SAMD12: variants seen among roughly 807,000 people sequenced by gnomAD.
SAMD12 encodes the protein sterile alpha motif domain-containing protein 12.
Under a neutral mutation model 15.0 loss-of-function variants are expected in SAMD12, and 9 were observed. That is an observed-to-expected ratio of 0.60 (90% CI 0.36 to 1.05). The LOEUF is 1.05. SAMD12 is among the 50% of genes least tolerant of loss of function. The pLI is 0.01. For synonymous variants in SAMD12, 86 were observed against 90.1 expected, an observed-to-expected ratio of 0.96 and a Z score of 0.25; for missense variants, 230 against 234.2, an observed-to-expected ratio of 0.98 and a Z score of 0.12.
At position 118,379,191 on chromosome 8, in the gene SAMD12, C is replaced by A; in HGVS notation, c.*226G>T. 7.7e-7 allele frequency: 1 copy of A among 1,304,840 alleles called. No individual in the cohort carries two copies. Among genetic ancestry groups the A allele is most frequent in the Non-Finnish European group, 9.7e-7 (1 of 1,025,984 alleles). 80.8% of individuals were successfully genotyped at this position (1,304,840 alleles called of 1,614,324 possible). ...TTGGCGCAGGTGAAGATAGCTACAG[C>A]TGGACTGTACAGTTGTGCAGGCTGC... is the stretch of plus-strand genomic sequence containing the variant. On this transcript the variant is annotated 3_prime_UTR_variant, in exon 4 of 4. Coordinates refer to ENST00000314727, the MANE Select transcript of SAMD12 (RefSeq NM_207506.3).
chr8:118,591,589 C>A (rs1196069757), intron 1 of SAMD12, among the ~76,000 whole-genome samples: 1 of 152,036 alleles, frequency 6.6e-6, no homozygotes, highest in African/African-American at 2.4e-5. Flanking sequence ...TAGTACCATG[C>A]ACTTTTAAAG....
At chr8:118,171,005 G>A in the SAMD12 span, among the ~76,000 whole-genome samples, 1,171 of 152,060 alleles carry the variant, frequency 7.7e-3, 18 homozygotes, top group African/African-American at 0.027. Context: ...ATTTAAAATT[G>A]GTCAAAAGAT....
chr8:118,184,723 CT>C (rs1819213891), downstream of SAMD12, among the ~76,000 whole-genome samples: 1 of 152,138 alleles, frequency 6.6e-6, no homozygotes, highest in Non-Finnish European at 1.5e-5. Context: ...TCTTGAACTC[CT>C]GACCTCAGGT....
At chr8:118,357,096 C>T (rs1818266763) in intron 4 of SAMD12, among the ~76,000 whole-genome samples, 1 of 152,198 alleles carries the variant, frequency 6.6e-6, no homozygotes, top group Admixed American at 6.5e-5. Flanking sequence ...AATGGGATCT[C>T]ATCACTCCCT....
intron 2 of SAMD12, among the ~76,000 whole-genome samples, chr8:118,548,384 TAC>T (rs36228827): frequency 0.097 from 13,523 of 139,748 alleles, 670 homozygotes; most frequent in Non-Finnish European, 0.12. Flanking sequence ...AAAACACACA[TAC>T]ACACACACAC....
intron 2 of SAMD12, among the ~76,000 whole-genome samples, chr8:118,475,287 C>T (rs1823923360): frequency 6.6e-6 from 1 of 152,062 alleles, no homozygotes; most frequent in Non-Finnish European, 1.5e-5. Context: ...TCCCTCCCCT[C>T]TCTTGCTGTC....
At chr8:118,401,556 T>TTG (rs1820871222) in intron 3 of SAMD12, among the ~76,000 whole-genome samples, 1 of 151,262 alleles carries the variant, frequency 6.6e-6, no homozygotes, top group African/African-American at 2.4e-5. Context: ...TTTTTTTTTT[T>TTG]GTATAAACAG....
At chr8:118,285,413 G>T (rs1037061704) in intron 4 of SAMD12, among the ~76,000 whole-genome samples, 2 of 152,146 alleles carry the variant, frequency 1.3e-5, no homozygotes. Flanking sequence ...ATAGCAGTTT[G>T]AAGCTTTGTT....
At chr8:118,302,826 A>C (rs1190254591) in intron 4 of SAMD12, among the ~76,000 whole-genome samples, 2 of 152,236 alleles carry the variant, frequency 1.3e-5, no homozygotes, top group Non-Finnish European at 2.9e-5. Flanking sequence ...GAAATCAGTA[A>C]GACCAATCCT....
intron 4 of SAMD12, among the ~76,000 whole-genome samples, chr8:118,208,782 G>C (rs983984068): frequency 6.6e-6 from 1 of 152,194 alleles, no homozygotes; most frequent in Non-Finnish European, 1.5e-5. Context: ...GGAGAAAAGA[G>C]AGACAGCAAT....
the SAMD12 span, among the ~76,000 whole-genome samples, chr8:118,133,707 C>CT: frequency 3.1e-4 from 45 of 147,256 alleles, no homozygotes; most frequent in South Asian, 8.7e-4. Flanking sequence ...AACAGCAAGA[C>CT]TTTTTTTTTT....
At chr8:118,593,626 G>T (rs944911486) in intron 1 of SAMD12, among the ~76,000 whole-genome samples, 32 of 152,162 alleles carry the variant, frequency 2.1e-4, no homozygotes, top group African/African-American at 7.7e-4. Context: ...ATCACATAAA[G>T]TCCTATTGAA....
chr8:118,194,446 G>A (rs1172942506), exon 5 of SAMD12: 1 of 152,140 alleles, frequency 6.6e-6, no homozygotes, highest in African/African-American at 2.4e-5. Context: ...CACACTAGCA[G>A]GACTGGCAAT....
chr8:118,363,092 G>T (rs1454454050), intron 4 of SAMD12, among the ~76,000 whole-genome samples: 2 of 152,152 alleles, frequency 1.3e-5, no homozygotes, highest in African/African-American at 4.8e-5. Context: ...TTCTTTAAGT[G>T]CATCTTGAGT....
chr8:118,440,495 A>G (rs1192761943), intron 2 of SAMD12, among the ~76,000 whole-genome samples: 2 of 152,140 alleles, frequency 1.3e-5, no homozygotes, highest in Non-Finnish European at 2.9e-5. Context: ...TGAAATGTCC[A>G]GGACCATTAG....
intron 4 of SAMD12, among the ~76,000 whole-genome samples, chr8:118,260,097 C>A (rs1489487711): frequency 6.6e-6 from 1 of 152,064 alleles, no homozygotes; most frequent in African/African-American, 2.4e-5. Flanking sequence ...CTTATACTTG[C>A]GTATTAAACA....
chr8:118,188,930 G>A (rs896676063), downstream of SAMD12, among the ~76,000 whole-genome samples: 9 of 152,084 alleles, frequency 5.9e-5, no homozygotes, highest in African/African-American at 2.4e-5. Flanking sequence ...GTTATTTGAA[G>A]GTCAGCCTTT....
intron 2 of SAMD12, among the ~76,000 whole-genome samples, chr8:118,472,663 AG>A (rs1225568840): frequency 6.6e-6 from 1 of 152,210 alleles, no homozygotes; most frequent in Non-Finnish European, 1.5e-5. Context: ...CAACAGAATG[AG>A]GCCCTTTCTA....
At chr8:118,302,575 T>A (rs529750129) in intron 4 of SAMD12, among the ~76,000 whole-genome samples, 2 of 152,322 alleles carry the variant, frequency 1.3e-5, no homozygotes, top group South Asian at 2.1e-4. Context: ...CTACAATCTC[T>A]TACTTTCCAC....
Sources: allele counts gnomAD v4.1 joint callset (sites outside exome capture counted in the v4.1 genomes callset), GRCh38; gene constraint gnomAD v4.1.1; transcripts MANE v1.5; gene names NCBI Gene and HGNC (gene_info 2026-07-23, HGNC 2026-07-21).